MYO3B: variants seen among roughly 807,000 people sequenced by gnomAD.
The protein encoded by MYO3B is myosin IIIB, also known as myosin-IIIb.
Under a neutral mutation model 174.6 loss-of-function variants are expected in MYO3B, and 156 were observed. That is an observed-to-expected ratio of 0.89 (90% CI 0.78 to 1.02). The LOEUF (loss-of-function observed/expected upper bound fraction) is 1.02. Among genes scored for constraint, MYO3B ranks in the 50% least tolerant of loss-of-function variants. The pLI is 0.00. For missense variants in MYO3B, 1,632 were observed against 1,639.4 expected, an observed-to-expected ratio of 1.00 and a Z score of 0.08; for synonymous variants, 563 against 569.1, an observed-to-expected ratio of 0.99 and a Z score of 0.15.
At chr2:170,388,911 C>T (rs1419603305) in intron 14 of MYO3B, among the ~76,000 whole-genome samples, 3 of 152,190 alleles carry the variant, frequency 2.0e-5, no homozygotes, top group Non-Finnish European at 4.4e-5. Flanking sequence ...GTCATTTACG[C>T]TTCCCTGTGG....
intron 22 of MYO3B, among the ~76,000 whole-genome samples, chr2:170,422,248 G>A (rs1345046588): frequency 6.6e-6 from 1 of 152,128 alleles, no homozygotes; most frequent in Non-Finnish European, 1.5e-5. Context: ...TGTTGCCAAG[G>A]CTGGAGTACA....
intron 30 of MYO3B, among the ~76,000 whole-genome samples, chr2:170,542,163 C>T (rs1370974748): frequency 6.6e-6 from 1 of 152,094 alleles, no homozygotes; most frequent in Non-Finnish European, 1.5e-5. Flanking sequence ...CACAGATTTC[C>T]CTTCTTTACT....
chr2:170,341,062 T>A (rs2093974064), intron 8 of MYO3B: 1 of 152,292 alleles, frequency 6.6e-6, no homozygotes, highest in African/African-American at 2.4e-5. Context: ...GTTAACAAGA[T>A]AAGATCATTC....
intron 22 of MYO3B, among the ~76,000 whole-genome samples, chr2:170,439,806 G>A (rs1460028822): frequency 2.6e-5 from 4 of 151,914 alleles, no homozygotes; most frequent in African/African-American, 4.8e-5. Context: ...TCAGCCTCCC[G>A]AGTAGCTGAG....
At chr2:170,356,981 C>T (rs1193894535) in intron 8 of MYO3B, among the ~76,000 whole-genome samples, 3 of 151,858 alleles carry the variant, frequency 2.0e-5, no homozygotes, top group Non-Finnish European at 4.4e-5. Flanking sequence ...CAGGGTCTCC[C>T]TGTGTGGCTC....
intron 7 of MYO3B, among the ~76,000 whole-genome samples, chr2:170,257,818 G>A (rs2093316832): frequency 1.3e-5 from 2 of 151,934 alleles, no homozygotes; most frequent in African/African-American, 4.8e-5. Flanking sequence ...AAGATCAATA[G>A]ACCACTGACT....
intron 8 of MYO3B, among the ~76,000 whole-genome samples, chr2:170,337,220 G>A (rs2093952094): frequency 6.6e-6 from 1 of 151,996 alleles, no homozygotes; most frequent in South Asian, 2.1e-4. Context: ...AAGACATGCT[G>A]GTAGCTTGGG....
At chr2:170,204,273 G>A (rs6739145) in intron 3 of MYO3B, among the ~76,000 whole-genome samples, 140,501 of 152,314 alleles carry the variant, frequency 0.92, 64,823 homozygotes, top group East Asian at 1. Context: ...AATTTTGACT[G>A]TCTTTGACTT....
chr2:170,328,402 T>TCCTGTGGGAACACAGAG (rs1364992674), intron 7 of MYO3B, among the ~76,000 whole-genome samples: 9 of 152,098 alleles, frequency 5.9e-5, no homozygotes, highest in African/African-American at 2.2e-4. Context: ...CACAGAGCAT[T>TCCTGTGGGAACACAGAG]ATTCATAATC....
intron 8 of MYO3B, among the ~76,000 whole-genome samples, chr2:170,352,632 C>T (rs976465255): frequency 3.3e-5 from 5 of 152,086 alleles, no homozygotes; most frequent in South Asian, 2.1e-4. Flanking sequence ...AGTGTTTACT[C>T]GTTTTCATGG....
At chr2:170,303,269 T>C (rs1294437648) in intron 7 of MYO3B, among the ~76,000 whole-genome samples, 1 of 152,178 alleles carries the variant, frequency 6.6e-6, no homozygotes, top group East Asian at 1.9e-4. Flanking sequence ...TTTAGAAGTT[T>C]GGCAGATTTT....
chr2:170,618,201 G>A (rs1695589611), intron 32 of MYO3B, among the ~76,000 whole-genome samples: 1 of 152,124 alleles, frequency 6.6e-6, no homozygotes, highest in African/African-American at 2.4e-5. Context: ...AGAGAACCAG[G>A]CATCCAAATA....
intron 32 of MYO3B, among the ~76,000 whole-genome samples, chr2:170,636,021 G>C (rs552728049): frequency 2.6e-5 from 4 of 152,172 alleles, no homozygotes; most frequent in African/African-American, 9.6e-5. Flanking sequence ...AAAGCTGTCT[G>C]TTTTTTTCTT....
At chr2:170,341,807 A>G (rs2093978502) in intron 8 of MYO3B, among the ~76,000 whole-genome samples, 1 of 152,216 alleles carries the variant, frequency 6.6e-6, no homozygotes, top group Non-Finnish European at 1.5e-5. Flanking sequence ...TCAAGGTTAT[A>G]TCTCCCTGAA....
At chr2:170,620,753 A>G (rs1329920393) in intron 32 of MYO3B, among the ~76,000 whole-genome samples, 1 of 152,360 alleles carries the variant, frequency 6.6e-6, no homozygotes, top group African/African-American at 2.4e-5. Flanking sequence ...TCAGTCTCGT[A>G]ACAGGCTGCA....
chr2:170,222,884 G>A (rs969773034), intron 6 of MYO3B, among the ~76,000 whole-genome samples: 4 of 151,848 alleles, frequency 2.6e-5, no homozygotes, highest in African/African-American at 9.7e-5. Context: ...GAACCTGCAG[G>A]GCTGCAGGTT....
At chr2:170,324,092 C>T (rs1381268598) in intron 7 of MYO3B, among the ~76,000 whole-genome samples, 1 of 152,140 alleles carries the variant, frequency 6.6e-6, no homozygotes, top group Admixed American at 6.5e-5. Context: ...GGGCGAAATC[C>T]TAGAGGCAGA....
chr2:170,518,004 T>C (rs1294140982), intron 29 of MYO3B, among the ~76,000 whole-genome samples: 4 of 152,148 alleles, frequency 2.6e-5, no homozygotes, highest in African/African-American at 9.7e-5. Flanking sequence ...TGTGTGTGTG[T>C]GTGTGTGTGT....
intron 16 of MYO3B, among the ~76,000 whole-genome samples, chr2:170,396,972 T>C (rs1299447509): frequency 6.6e-6 from 1 of 152,186 alleles, no homozygotes. Flanking sequence ...TTTTACCCCC[T>C]GGGATCTGCC....
Sources: allele counts gnomAD v4.1 joint callset (sites outside exome capture counted in the v4.1 genomes callset), GRCh38; gene constraint gnomAD v4.1.1; transcripts MANE v1.5; gene names NCBI Gene and HGNC (gene_info 2026-07-23, HGNC 2026-07-21).